NRAS: variants seen among roughly 807,000 people sequenced by gnomAD.
NRAS encodes NRAS proto-oncogene, GTPase.
NRAS carries 6 observed loss-of-function variants against 21.3 expected under a neutral mutation model. That is an observed-to-expected ratio of 0.28 (90% confidence interval 0.15 to 0.56). NRAS has a LOEUF of 0.56. NRAS is among the 20% of genes least tolerant of loss of function. NRAS has a pLI of 0.93. For missense variants in NRAS, 143 were observed against 231.3 expected, an observed-to-expected ratio of 0.62 and a Z score of 2.48; for synonymous variants, 84 against 82.0, an observed-to-expected ratio of 1.02 and a Z score of -0.13.
At chr1:114,710,983 G>A (rs1364960641) in intron 3 of NRAS, among the ~76,000 whole-genome samples, 1 of 152,162 alleles carries the variant, frequency 6.6e-6, no homozygotes, top group Non-Finnish European at 1.5e-5. Flanking sequence ...TTTCAAGATG[G>A]GTGGTGCTCA....
Position 114,708,584 on chromosome 1 carries a change from C to T in NRAS, c.521G>A (p.Ser174Asn). 6.2e-7 allele frequency: 1 copy of T among 1,613,424 alleles called. No individual in the cohort carries two copies. The highest frequency in any genetic ancestry group is 8.5e-7 in the Non-Finnish European group (1 of 1,179,350). ...RQYRMKKLNS[S>N]DDGTQGCMGL... ...CATACAACCCTGAGTCCCATCATCACTGCTGTTGAGTTTTTTCATTCGGTA... is the reference window on the plus strand; with the variant it reads ...CATACAACCCTGAGTCCCATCATCATTGCTGTTGAGTTTTTTCATTCGGTA... Residue 174 changes from serine (S) to asparagine (N), a missense_variant, in exon 5 of 7, where the codon AGT becomes AAT. Coordinates refer to ENST00000369535, the MANE Select transcript of NRAS (RefSeq NM_002524.5).
Position 114,713,794 on chromosome 1 carries a change from T to C in NRAS, c.290+6A>G, listed in dbSNP as rs879152717. On this transcript the variant is annotated splice_donor_region_variant and intron_variant, in intron 3 of 6. Coordinates refer to ENST00000369535, the MANE Select transcript of NRAS (RefSeq NM_002524.5). ...ATCCTTTCAGAGAAAATAATGCTCC[T>C]AGTACCTGTAGAGGTTAATATCCGC... 2 of 1,609,754 alleles carry C rather than the reference T, an allele frequency of 1.2e-6. No individual in the cohort carries two copies. Among genetic ancestry groups the C allele is most frequent in the South Asian group, 2.2e-5 (2 of 91,014 alleles).
chr1:114,708,595 T>C lies in NRAS; in HGVS notation c.510A>G (p.Lys170=). 1 of 1,613,262 alleles carries C rather than the reference T, an allele frequency of 6.2e-7. No individual in the cohort carries two copies. The highest frequency in any genetic ancestry group is 8.5e-7 in the Non-Finnish European group (1 of 1,179,364). The part of the protein sequence containing the change: ...VREIRQYRMK[K]LNSSDDGTQG... Reference sequence around the variant, plus strand: ...GAGTCCCATCATCACTGCTGTTGAGTTTTTTCATTCGGTACTGGCGTATTT... The same window carrying C: ...GAGTCCCATCATCACTGCTGTTGAGCTTTTTCATTCGGTACTGGCGTATTT... The change falls in exon 5 of 7, where the codon AAA becomes AAG. Residue 170 remains lysine (K), a synonymous_variant. Transcript: ENST00000369535.
chr1:114,710,937 G>A (rs1039837737), intron 3 of NRAS, among the ~76,000 whole-genome samples: 2 of 152,316 alleles, frequency 1.3e-5, no homozygotes, highest in East Asian at 3.9e-4. Flanking sequence ...TAAATAACTA[G>A]GTGTGACAGT....
chr1:114,712,077 A>G (rs1645451579), intron 3 of NRAS, among the ~76,000 whole-genome samples: 1 of 152,184 alleles, frequency 6.6e-6, no homozygotes, highest in African/African-American at 2.4e-5. Flanking sequence ...AGCCTACATT[A>G]AGGGATAAGA....
In NRAS at chr1:114,716,510, A is replaced by G. The variant is rs1416935835; in HGVS notation, c.-18+148T>C. The G allele has an allele frequency of 8.0e-6, 3 of 373,384 alleles. No individual in the cohort carries two copies. In the Admixed American group the frequency reaches 1.1e-4, roughly 14 times the overall value. 23.1% of individuals were successfully genotyped at this position (373,384 alleles called of 1,614,324 possible). A position where few individuals can be genotyped will look rare whatever the true frequency, so the allele number is the denominator to read the frequency against. On this transcript the variant is annotated intron_variant, in intron 1 of 6. Coordinates refer to ENST00000369535, the MANE Select transcript of NRAS (RefSeq NM_002524.5). ...CTTCCCATTCTCCCTTCTGTCTCCA[A>G]AGATCTCCCCACGTAGGCACCAAAT...
rs1658939341 is a variant in NRAS at position 114,707,281 on chromosome 1, T to G, written c.*813A>C. The stretch of plus-strand genomic sequence containing the variant: ...CCAAAACAGGCCTCTGGAAAACCAA[T>G]TTCATACATGTACAAAATGGCATCT... On this transcript the variant is annotated 3_prime_UTR_variant, in exon 7 of 7. Transcript: ENST00000369535. The G allele has an allele frequency of 6.6e-6, 1 of 152,530 alleles. No homozygotes were observed. The highest frequency in any genetic ancestry group is 2.1e-4 in the South Asian group (1 of 4,838). The allele number at this position is 152,530 out of a possible 1,614,324, so 9.4% of individuals were successfully genotyped here.
In NRAS at chr1:114,708,551, G is replaced by A. The variant is rs2101737789; in HGVS notation, c.554C>T (p.Pro185Leu). The A allele has an allele frequency of 9.3e-6, 15 of 1,613,718 alleles. No individual in the cohort carries two copies. The highest frequency in any genetic ancestry group is 1.2e-5 in the Non-Finnish European group (14 of 1,179,716). ...DDGTQGCMGL[P>L]CVVM ...CTCACCTTGTTACATCACCACACAT[G>A]GCAATCCCATACAACCCTGAGTCCC... is the stretch of plus-strand genomic sequence containing the variant. Residue 185 changes from proline to leucine, a missense_variant, in exon 5 of 7, where the codon CCA (proline) becomes CTA (leucine). Coordinates refer to ENST00000369535, the MANE Select transcript of NRAS (RefSeq NM_002524.5).
At chr1:114,715,570 T>C (rs1659142626) in intron 2 of NRAS, among the ~76,000 whole-genome samples, 1 of 152,166 alleles carries the variant, frequency 6.6e-6, no homozygotes, top group African/African-American at 2.4e-5. Flanking sequence ...CACAACTAAA[T>C]AAACTGCAAA....
chr1:114,715,986 T>C (rs1293171073), intron 2 of NRAS, 64 bp downstream of exon 2: 3 of 984,714 alleles, frequency 3.0e-6, no homozygotes, highest in South Asian at 1.3e-5. Context: ...ATACAGAATA[T>C]GGGTAAAGAT....
intron 3 of NRAS, among the ~76,000 whole-genome samples, chr1:114,710,772 C>T (rs915042697): frequency 3.3e-5 from 5 of 152,206 alleles, no homozygotes; most frequent in Admixed American, 2.6e-4. Context: ...AGTACAAGCT[C>T]ACCTTCTAAT....
At position 114,706,489 on chromosome 1, in the gene NRAS, A is replaced by G. The variant is rs1658922185; in HGVS notation, c.*1605T>C. ...TGAGCAAACTCATCAGCTTAGATTT[A>G]TCAACATCTTGTTTTAAACCCTTCA... On this transcript the variant is annotated 3_prime_UTR_variant, in exon 7 of 7. Coordinates refer to ENST00000369535, the MANE Select transcript of NRAS (RefSeq NM_002524.5). 1 of 152,224 alleles carries G rather than the reference A, an allele frequency of 6.6e-6. No individual in the cohort carries two copies. Among genetic ancestry groups the G allele is most frequent in the Non-Finnish European group, 1.5e-5 (1 of 68,038 alleles). 9.4% of individuals were successfully genotyped at this position (152,224 alleles called of 1,614,324 possible).
intron 5 of NRAS, 127 bp from the exon 6 acceptor site, chr1:114,708,319 T>A: frequency 1.7e-6 from 1 of 589,374 alleles, no homozygotes; most frequent in East Asian, 2.8e-5. Context: ...TAATTTCTAA[T>A]GTTACCAAAA....
intron 2 of NRAS, among the ~76,000 whole-genome samples, chr1:114,714,899 ACAT>A (rs1163312506): frequency 6.6e-6 from 1 of 152,262 alleles, no homozygotes; most frequent in East Asian, 1.9e-4. Flanking sequence ...TATAGTGGCT[ACAT>A]TAGAGTTAGT....
At chr1:114,711,369 G>A (rs561963301) in intron 3 of NRAS, among the ~76,000 whole-genome samples, 19 of 151,918 alleles carry the variant, frequency 1.3e-4, no homozygotes, top group African/African-American at 3.4e-4. Flanking sequence ...AGGCCGAGGC[G>A]GGTGGATCAC....
intron 2 of NRAS, among the ~76,000 whole-genome samples, chr1:114,715,105 T>TG (rs1659126522): frequency 6.6e-6 from 1 of 152,058 alleles, no homozygotes; most frequent in African/African-American, 2.4e-5. Flanking sequence ...CTCGGCTCAC[T>TG]GCACCCTCTG....
rs754044937 is a variant in NRAS at position 114,707,804 on chromosome 1, G to A, written c.*290C>T. 6.6e-6 allele frequency: 1 copy of A among 152,638 alleles called. No individual in the cohort carries two copies. Among genetic ancestry groups the A allele is most frequent in the Non-Finnish European group, 1.5e-5 (1 of 68,082 alleles). 9.5% of individuals were successfully genotyped at this position (152,638 alleles called of 1,614,324 possible). Reference sequence around the variant, plus strand: ...GAACTGCTTTTCAGATGAAAAACCTGGGGTGGCAGAGGTGTGTTTGTGCTG... The same window carrying A: ...GAACTGCTTTTCAGATGAAAAACCTAGGGTGGCAGAGGTGTGTTTGTGCTG... On this transcript the variant is annotated 3_prime_UTR_variant, in exon 7 of 7. Coordinates refer to ENST00000369535, the MANE Select transcript of NRAS (RefSeq NM_002524.5).
Position 114,713,796 on chromosome 1 carries a change from G to A in NRAS, c.290+4C>T, listed in dbSNP as rs371909522. ...CCTTTCAGAGAAAATAATGCTCCTA[G>A]TACCTGTAGAGGTTAATATCCGCAA... On this transcript the variant is annotated splice_donor_region_variant and intron_variant, in intron 3 of 6. Coordinates refer to ENST00000369535, the MANE Select transcript of NRAS (RefSeq NM_002524.5). 1.3e-5 allele frequency: 21 copies of A among 1,610,312 alleles called. No homozygotes were observed. Among genetic ancestry groups the A allele is most frequent in the Non-Finnish European group, 1.6e-5 (19 of 1,176,490 alleles).
intron 4 of NRAS, 47 bp downstream of exon 4, chr1:114,709,522 A>G (rs762787306): frequency 2.0e-5 from 29 of 1,478,034 alleles, no homozygotes; most frequent in Middle Eastern, 1.7e-4. Flanking sequence ...ACCAGAGTTA[A>G]TCAACTGATG....
Sources: allele counts gnomAD v4.1 joint callset (sites outside exome capture counted in the v4.1 genomes callset), GRCh38; gene constraint gnomAD v4.1.1; transcripts MANE v1.5; gene names NCBI Gene and HGNC (gene_info 2026-07-23, HGNC 2026-07-21).